CDH12: variants seen among roughly 807,000 people sequenced by gnomAD.
The protein encoded by CDH12 is cadherin 12.
In CDH12, 41 loss-of-function variants were observed where a neutral mutation model predicts 74.1. That is an observed-to-expected ratio of 0.55 (90% confidence interval 0.43 to 0.72). The LOEUF is 0.72. Ranked by LOEUF, CDH12 falls within the 30% of genes least tolerant of loss-of-function variation. The pLI is 0.00. For synonymous variants in CDH12, 399 were observed against 355.0 expected, an observed-to-expected ratio of 1.12 and a Z score of -1.39; for missense variants, 945 against 977.2, an observed-to-expected ratio of 0.97 and a Z score of 0.44.
intron 3 of CDH12, among the ~76,000 whole-genome samples, chr5:22,289,835 G>C (rs1737306313): frequency 6.6e-6 from 1 of 152,142 alleles, no homozygotes; most frequent in Non-Finnish European, 1.5e-5. Flanking sequence ...CCATATTCTA[G>C]TCCAGTACCT....
At chr5:21,950,757 T>TTTATTATTATTATTATTA (rs71609723) in intron 6 of CDH12, among the ~76,000 whole-genome samples, 2 of 137,006 alleles carry the variant, frequency 1.5e-5, no homozygotes, top group Non-Finnish European at 3.1e-5. Context: ...TAAATTTTAT[T>TTTATTATTATTATTATTA]TTATTATTAT....
chr5:21,935,282 AAATAT>A (rs1755027379), intron 6 of CDH12, among the ~76,000 whole-genome samples: 3 of 152,130 alleles, frequency 2.0e-5, no homozygotes, highest in Admixed American at 2.0e-4. Context: ...TCTATATTAA[AAATAT>A]AATACTAGTT....
At chr5:22,255,219 T>A (rs1041847433) in intron 3 of CDH12, among the ~76,000 whole-genome samples, 1 of 151,880 alleles carries the variant, frequency 6.6e-6, no homozygotes, top group Non-Finnish European at 1.5e-5. Flanking sequence ...GAAGTGACCT[T>A]TTTAATTGTG....
At chr5:22,029,357 T>A (rs1170667943) in intron 5 of CDH12, among the ~76,000 whole-genome samples, 2 of 152,092 alleles carry the variant, frequency 1.3e-5, no homozygotes, top group African/African-American at 4.8e-5. Context: ...TTTTGCAACC[T>A]ACTCATCTGA....
rs980465630 is a variant in CDH12, at chr5:22,583,749, C to T, written c.-522-78385G>A. Among the ~76,000 whole-genome samples, 16 of 152,142 alleles carry T rather than the reference C, an allele frequency of 1.1e-4. 1 individual carries two copies. The highest frequency in any genetic ancestry group is 1.0e-3 in the Admixed American group (16 of 15,272). On this transcript the variant is annotated intron_variant, in intron 1 of 14. Coordinates refer to ENST00000382254, the MANE Select transcript of CDH12 (RefSeq NM_004061.5). ...AAAGAGATTTTTAAGAAAGAACACT[C>T]ATCCATAGTTTCCTAAAACTTTTCA...
At chr5:21,785,095 ACAGG>A (rs1157355595) in intron 10 of CDH12, among the ~76,000 whole-genome samples, 1 of 71,618 alleles carries the variant, frequency 1.4e-5, no homozygotes, top group Non-Finnish European at 4.0e-5. Context: ...TAATATTATA[ACAGG>A]GTGATCTATG....
At chr5:21,895,766 T>G (rs1172638059) in intron 6 of CDH12, among the ~76,000 whole-genome samples, 2 of 152,122 alleles carry the variant, frequency 1.3e-5, no homozygotes, top group African/African-American at 4.8e-5. Flanking sequence ...GGTAGTAGCC[T>G]TCATGATTGA....
At chr5:21,946,441 A>C in intron 6 of CDH12, among the ~76,000 whole-genome samples, 1 of 152,324 alleles carries the variant, frequency 6.6e-6, no homozygotes, top group Non-Finnish European at 1.5e-5. Flanking sequence ...TGCTCAAGGA[A>C]CATAGAGGAA....
At chr5:21,916,194 T>C (rs1754085892) in intron 6 of CDH12, among the ~76,000 whole-genome samples, 1 of 152,176 alleles carries the variant, frequency 6.6e-6, no homozygotes, top group Non-Finnish European at 1.5e-5. Flanking sequence ...GTAAGTATTC[T>C]ATCTTCAAGG....
intron 4 of CDH12, among the ~76,000 whole-genome samples, chr5:22,146,611 C>T (rs1747201053): frequency 6.6e-6 from 1 of 152,084 alleles, no homozygotes; most frequent in African/African-American, 2.4e-5. Context: ...GCATTGTACA[C>T]TAGTTACCTA....
chr5:22,582,190 T>C (rs1234723546), intron 1 of CDH12, among the ~76,000 whole-genome samples: 1 of 152,320 alleles, frequency 6.6e-6, no homozygotes, highest in African/African-American at 2.4e-5. Flanking sequence ...TGTTGATGTT[T>C]TATATTATTT....
intron 1 of CDH12, among the ~76,000 whole-genome samples, chr5:22,823,132 G>A (rs1031043056): frequency 6.7e-6 from 1 of 149,310 alleles, no homozygotes; most frequent in African/African-American, 2.5e-5. Context: ...CTATCGCAAG[G>A]ACAAAAAACC....
chr5:22,680,022 G>A (rs1741410594), intron 1 of CDH12, among the ~76,000 whole-genome samples: 1 of 152,192 alleles, frequency 6.6e-6, no homozygotes, highest in Admixed American at 6.6e-5. Flanking sequence ...GGAACAAACA[G>A]TAAACAGATA....
intron 9 of CDH12, among the ~76,000 whole-genome samples, chr5:21,814,167 G>A (rs1195941269): frequency 6.6e-6 from 1 of 151,510 alleles, no homozygotes; most frequent in Non-Finnish European, 1.5e-5. Context: ...GTGTGTGTGT[G>A]TGTGTGTGTG....
intron 3 of CDH12, among the ~76,000 whole-genome samples, chr5:22,384,930 T>C (rs562262560): frequency 1.3e-5 from 2 of 152,306 alleles, no homozygotes; most frequent in South Asian, 4.1e-4. Context: ...CTAGGGTCCA[T>C]GTGTTGTCAT....
At chr5:22,404,721 A>C (rs1742865677) in intron 3 of CDH12, among the ~76,000 whole-genome samples, 1 of 152,180 alleles carries the variant, frequency 6.6e-6, no homozygotes, top group Non-Finnish European at 1.5e-5. Context: ...GTGTTTGAGG[A>C]AACAACTTTT....
At chr5:22,601,742 TGAATCTA>T in intron 1 of CDH12, among the ~76,000 whole-genome samples, 1 of 152,166 alleles carries the variant, frequency 6.6e-6, no homozygotes, top group Non-Finnish European at 1.5e-5. Flanking sequence ...AAAAATCAAA[TGAATCTA>T]GAGGCCCTAG....
At chr5:22,330,523 T>G (rs1739304779) in intron 3 of CDH12, among the ~76,000 whole-genome samples, 1 of 151,548 alleles carries the variant, frequency 6.6e-6, no homozygotes, top group South Asian at 2.1e-4. Flanking sequence ...GAGGTCGAGG[T>G]GAGTGGATCA....
Position 22,440,447 on chromosome 5 carries a change from C to T in CDH12, c.-427-35096G>A, listed in dbSNP as rs181312643. ...ACATTATTACTCTTTGGAACCTCCTCCATCATCCTAGTTGCTTACGGTTGC... is the reference window on the plus strand; with the variant it reads ...ACATTATTACTCTTTGGAACCTCCTTCATCATCCTAGTTGCTTACGGTTGC... On this transcript the variant is annotated intron_variant, in intron 2 of 14. Coordinates refer to ENST00000382254, the MANE Select transcript of CDH12 (RefSeq NM_004061.5). Among the ~76,000 whole-genome samples the T allele has an allele frequency of 8.6e-3, 1,308 of 152,208 alleles. 11 individuals carry two copies. The highest frequency in any genetic ancestry group is 0.027 in the South Asian group (131 of 4,826).
Sources: allele counts gnomAD v4.1 joint callset (sites outside exome capture counted in the v4.1 genomes callset), GRCh38; gene constraint gnomAD v4.1.1; transcripts MANE v1.5; gene names NCBI Gene and HGNC (gene_info 2026-07-23, HGNC 2026-07-21).